The following DMD variants were observed in gnomAD, a reference collection of about 807,000 sequenced individuals.
DMD encodes dystrophin.
Under a neutral mutation model 330.1 loss-of-function variants are expected in DMD, and 63 were observed. The ratio of observed to expected loss-of-function variants is 0.19; its 90% CI spans 0.16 to 0.24. The LOEUF (loss-of-function observed/expected upper bound fraction) is 0.24. DMD is among the 10% of genes least tolerant of loss of function. The probability of loss-of-function intolerance (pLI) is 1.00; values close to 1 mark genes in which losing one functional copy is unlikely to be tolerated. For synonymous variants in DMD, 1,223 were observed against 959.8 expected (o/e 1.27, Z -5.07); for missense variants, 3,344 against 2,684.1 (o/e 1.25, Z -5.43).
intron 52 of DMD, among the ~76,000 whole-genome samples, chrX:31,715,310 C>T (rs1026794065): frequency 3.4e-4 from 37 of 107,596 alleles, no homozygotes; most frequent in African/African-American, 1.3e-3. Flanking sequence ...TTTGGGAGGC[C>T]GAGACGGGCG....
chrX:32,727,441 C>G (rs1038103156), intron 7 of DMD, among the ~76,000 whole-genome samples: 50 of 110,792 alleles, frequency 4.5e-4, no homozygotes, highest in African/African-American at 1.6e-3. Flanking sequence ...CTGACTAGAC[C>G]ACCTTCTAAA....
intron 55 of DMD, among the ~76,000 whole-genome samples, chrX:31,548,177 C>A (rs752225992): frequency 1.8e-5 from 2 of 111,732 alleles, no homozygotes; most frequent in African/African-American, 3.3e-5. Flanking sequence ...TTGCCCTGCC[C>A]CCTGGAACAG....
chrX:31,532,173 C>A (rs2073896383), intron 55 of DMD, among the ~76,000 whole-genome samples: 2 of 99,087 alleles, frequency 2.0e-5, no homozygotes, highest in Non-Finnish European at 3.9e-5. Context: ...AACTCCAAGA[C>A]ACATAATTGT....
intron 25 of DMD, among the ~76,000 whole-genome samples, chrX:32,460,202 A>T (rs2148395746): frequency 9.0e-6 from 1 of 111,170 alleles, no homozygotes; most frequent in African/African-American, 3.3e-5. Flanking sequence ...TAGGATGTAT[A>T]TTGCCAAAAA....
chrX:32,807,188 TA>T (rs1176996000), intron 7 of DMD, among the ~76,000 whole-genome samples: 1 of 84,951 alleles, frequency 1.2e-5, no homozygotes, highest in African/African-American at 4.6e-5. Flanking sequence ...TTGAAGAGAT[TA>T]ACAAAATAGA....
intron 50 of DMD, among the ~76,000 whole-genome samples, chrX:31,795,970 G>C (rs1274594838): frequency 2.7e-5 from 3 of 111,860 alleles, no homozygotes; most frequent in Non-Finnish European, 3.8e-5. Context: ...GTTACAAATA[G>C]TTTAGTATTA....
At chrX:32,383,627 T>C (rs1332832923) in intron 33 of DMD, among the ~76,000 whole-genome samples, 1 of 110,911 alleles carries the variant, frequency 9.0e-6, no homozygotes, top group Non-Finnish European at 1.9e-5. Flanking sequence ...ATGTTTTTGC[T>C]GTATTCTGTG....
chrX:33,284,370 T>C (rs189560819), intron 1 of DMD, among the ~76,000 whole-genome samples: 63 of 111,247 alleles, frequency 5.7e-4, no homozygotes, highest in Non-Finnish European at 4.7e-4. Context: ...CAAAAGGACA[T>C]AACAGTGCAT....
At chrX:32,602,276 T>C (rs1202036737) in intron 12 of DMD, among the ~76,000 whole-genome samples, 1 of 111,701 alleles carries the variant, frequency 9.0e-6, no homozygotes, top group Non-Finnish European at 1.9e-5. Flanking sequence ...AGCCCTCAAT[T>C]CTCTTGCCTT....
At position 32,342,202 on chromosome X, in the gene DMD, C is replaced by A. The variant is rs1404360892; in HGVS notation, c.5820G>T (p.Gly1940=). 4 of 1,209,299 alleles carry A rather than the reference C, an allele frequency of 3.3e-6. No homozygotes were observed. Among genetic ancestry groups the A allele is most frequent in the Non-Finnish European group, 4.5e-6 (4 of 894,878 alleles). Residue 1940 remains glycine (G), a synonymous_variant, in exon 41 of 79, where the codon GGG becomes GGT. Transcript: ENST00000357033. ...GAGTTGGCTCCACTGCCATTGCGGCCCCATCCTCAGACAAGCCCTCAGCTT... is the reference window on the plus strand; with the variant it reads ...GAGTTGGCTCCACTGCCATTGCGGCACCATCCTCAGACAAGCCCTCAGCTT... ...RRQAEGLSED[G]AAMAVEPTQI... is the part of the protein sequence containing the mutation.
intron 47 of DMD, among the ~76,000 whole-genome samples, chrX:31,881,051 G>A (rs907048830): frequency 4.5e-5 from 5 of 111,166 alleles, no homozygotes; most frequent in African/African-American, 1.3e-4. Flanking sequence ...GCTCATGTGC[G>A]TGTTTGTGTT....
At chrX:32,887,551 C>T (rs2084727343) in intron 2 of DMD, among the ~76,000 whole-genome samples, 1 of 105,709 alleles carries the variant, frequency 9.5e-6, no homozygotes, top group Admixed American at 1.0e-4. Flanking sequence ...GGTTTGAGAC[C>T]AGCCTGGCAA....
chrX:32,495,076 C>CA (rs150130065), intron 19 of DMD, among the ~76,000 whole-genome samples: 34 of 110,539 alleles, frequency 3.1e-4, no homozygotes, highest in South Asian at 1.5e-3. Context: ...GAAAACATTT[C>CA]AAAAAAAACG....
chrX:32,476,395 T>A lies in DMD; in HGVS notation c.2804-4086A>T, dbSNP rs1363441600. On this transcript the variant is annotated intron_variant, in intron 21 of 78. Coordinates refer to ENST00000357033, the MANE Select transcript of DMD (RefSeq NM_004006.3). ...ATTAAATTCATTTGAAACTGGTCAT[T>A]TCAAAAAATCTAATCTCTTGGAAAT... Among the ~76,000 whole-genome samples the A allele has an allele frequency of 4.5e-5, 5 of 111,622 alleles. No homozygotes were observed. The East Asian group carries it at 1.4e-3, about 31-fold the overall frequency.
chrX:32,731,649 C>A (rs1354712402), intron 7 of DMD, among the ~76,000 whole-genome samples: 8 of 112,074 alleles, frequency 7.1e-5, no homozygotes, highest in African/African-American at 2.3e-4. Context: ...CCAAAAGGGG[C>A]ATACTGACAC....
chrX:31,650,069 T>C (rs2080355692), intron 54 of DMD, among the ~76,000 whole-genome samples: 1 of 108,179 alleles, frequency 9.2e-6, no homozygotes, highest in Admixed American at 9.9e-5. Context: ...CAAGAAATCC[T>C]CTTGCCTCAG....
Position 31,373,917 on chromosome X carries a change from G to A in DMD, c.9085-25283C>T, listed in dbSNP as rs1438381996. Among the ~76,000 whole-genome samples, 977 of 109,611 alleles carry A rather than the reference G, an allele frequency of 8.9e-3. 14 individuals are homozygous for A. The highest frequency in any genetic ancestry group is 0.031 in the African/African-American group (912 of 29,807). On this transcript the variant is annotated intron_variant, in intron 60 of 78. Transcript: ENST00000357033. ...AATGGGAGAAAAATTTTCGCAACCTGCTCATCTGACAAAGGGCTAATATCC... is the reference window on the plus strand; with the variant it reads ...AATGGGAGAAAAATTTTCGCAACCTACTCATCTGACAAAGGGCTAATATCC...
At chrX:32,236,916 GTTA>G (rs893842952) in intron 43 of DMD, among the ~76,000 whole-genome samples, 1 of 110,989 alleles carries the variant, frequency 9.0e-6, no homozygotes, top group African/African-American at 3.3e-5. Context: ...TTCCTGTTAG[GTTA>G]TTTTTATTTT....
chrX:33,289,220 A>AATGG (rs2053478557), intron 1 of DMD, among the ~76,000 whole-genome samples: 1 of 111,020 alleles, frequency 9.0e-6, no homozygotes, highest in East Asian at 2.8e-4. Flanking sequence ...GAAAACCATT[A>AATGG]TTTTCAAAGG....
Sources: gnomAD v4.1 joint callset for allele counts (sites outside exome capture counted in the v4.1 genomes callset) on GRCh38, gnomAD v4.1.1 for gene constraint, MANE v1.5 for transcripts, NCBI Gene and HGNC (gene_info 2026-07-23, HGNC 2026-07-21) for gene names.